The following GLIS1 variants were observed in gnomAD, a reference collection of about 807,000 sequenced individuals.
GLIS1 encodes the protein GLIS family zinc finger 1.
A neutral mutation model predicts 63.8 loss-of-function variants in GLIS1; 24 were observed. The ratio of observed to expected loss-of-function variants is 0.38; its 90% CI spans 0.27 to 0.53. GLIS1 has a LOEUF of 0.53. GLIS1 is among the 20% of genes least tolerant of loss of function. GLIS1 has a pLI of 0.85. For synonymous variants in GLIS1, 450 were observed against 482.5 expected, an observed-to-expected ratio of 0.93 and a Z score of 0.88; for missense variants, 1,036 against 1,074.1, an observed-to-expected ratio of 0.96 and a Z score of 0.50.
intron 2 of GLIS1, among the ~76,000 whole-genome samples, chr1:53,676,518 G>A (rs1274688374): frequency 6.6e-6 from 1 of 152,130 alleles, no homozygotes; most frequent in African/African-American, 2.4e-5. Flanking sequence ...CTCACTGTAT[G>A]GGGTACTCCC....
intron 6 of GLIS1, 129 bp downstream of exon 6, chr1:53,524,647 AC>A: frequency 1.5e-6 from 1 of 683,536 alleles, no homozygotes. Context: ...GAACGGACGA[AC>A]GGATGGACGA....
rs140736005 is a variant in GLIS1 at position 53,587,386 on chromosome 1, C to G, written c.1320+6722G>C. 1.5e-3 allele frequency among the ~76,000 whole-genome samples: 221 copies of G among 152,298 alleles called. 1 individual carries two copies. The highest frequency in any genetic ancestry group is 5.0e-3 in the African/African-American group (208 of 41,558). On this transcript the variant is annotated intron_variant, in intron 4 of 10. Transcript: ENST00000628545. ...CAAGCTGACTTTGCCCAAAACAGGT[C>G]TCCTTCCCAGATCCATCCAATCCTA...
chr1:53,587,095 C>T (rs1223200824), intron 4 of GLIS1, among the ~76,000 whole-genome samples: 2 of 152,108 alleles, frequency 1.3e-5, no homozygotes, highest in African/African-American at 4.8e-5. Flanking sequence ...GCATTCTAGA[C>T]AAAGGAATCA....
intron 2 of GLIS1, among the ~76,000 whole-genome samples, chr1:53,682,205 C>T (rs1223154808): frequency 6.6e-6 from 1 of 152,234 alleles, no homozygotes; most frequent in African/African-American, 2.4e-5. Context: ...CCACCGGACT[C>T]CGACTCCAAC....
chr1:53,515,378 G>A (rs1453472882), intron 7 of GLIS1, among the ~76,000 whole-genome samples: 9 of 151,982 alleles, frequency 5.9e-5, no homozygotes, highest in Admixed American at 2.6e-4. Context: ...CACTGTGAAG[G>A]CTTCCAAAGA....
intron 2 of GLIS1, among the ~76,000 whole-genome samples, chr1:53,685,452 G>C (rs538872164): frequency 1.3e-5 from 2 of 152,170 alleles, no homozygotes; most frequent in African/African-American, 2.4e-5. Flanking sequence ...TGACCTCCTC[G>C]GCAATGTTTA....
At chr1:53,632,250 TGA>T (rs1257694455) in intron 2 of GLIS1, among the ~76,000 whole-genome samples, 2 of 148,136 alleles carry the variant, frequency 1.4e-5, no homozygotes, top group Non-Finnish European at 3.0e-5. Flanking sequence ...GGTATGTGTA[TGA>T]GTGTGACTGA....
intron 2 of GLIS1, among the ~76,000 whole-genome samples, chr1:53,608,473 C>T (rs962947515): frequency 6.6e-6 from 1 of 152,146 alleles, no homozygotes; most frequent in Non-Finnish European, 1.5e-5. Flanking sequence ...CTAGTAGGAT[C>T]CCATATTTCC....
At chr1:53,703,821 G>A (rs1395243472) in intron 2 of GLIS1, among the ~76,000 whole-genome samples, 2 of 152,064 alleles carry the variant, frequency 1.3e-5, no homozygotes, top group African/African-American at 2.4e-5. Context: ...TGCCTGCCTG[G>A]GCCGGGAAGG....
At chr1:53,582,505 G>A (rs1170347302) in intron 4 of GLIS1, among the ~76,000 whole-genome samples, 1 of 152,138 alleles carries the variant, frequency 6.6e-6, no homozygotes, top group South Asian at 2.1e-4. Context: ...TCTCCGCCCT[G>A]GGTCTCAAGG....
chr1:53,681,907 TC>T (rs1279657311), intron 2 of GLIS1, among the ~76,000 whole-genome samples: 1 of 150,596 alleles, frequency 6.6e-6, no homozygotes, highest in African/African-American at 2.5e-5. Context: ...GTTCCTGCTC[TC>T]GGGGGCCTTC....
intron 4 of GLIS1, among the ~76,000 whole-genome samples, chr1:53,579,771 G>A (rs374784870): frequency 4.1e-4 from 62 of 152,318 alleles, no homozygotes; most frequent in African/African-American, 1.2e-3. Flanking sequence ...GTGTGGCAAC[G>A]GGCTCAGAGG....
At chr1:53,656,958 C>G (rs1246272102) in intron 2 of GLIS1, among the ~76,000 whole-genome samples, 28 of 152,190 alleles carry the variant, frequency 1.8e-4, no homozygotes, top group Admixed American at 1.8e-3. Context: ...ATCCTCATAA[C>G]TGCAGAGGTC....
intron 2 of GLIS1, among the ~76,000 whole-genome samples, chr1:53,637,385 G>A (rs1645737362): frequency 6.6e-6 from 1 of 152,198 alleles, no homozygotes; most frequent in Admixed American, 6.5e-5. Context: ...GTGGGTCCCT[G>A]AGGGTGACAC....
At chr1:53,566,242 G>A (rs1431306970) in intron 4 of GLIS1, among the ~76,000 whole-genome samples, 1 of 152,048 alleles carries the variant, frequency 6.6e-6, no homozygotes, top group Non-Finnish European at 1.5e-5. Context: ...CCTAGCTAAG[G>A]AAGGAAGTCA....
intron 2 of GLIS1, among the ~76,000 whole-genome samples, chr1:53,682,683 T>G (rs1209164079): frequency 6.6e-6 from 1 of 152,228 alleles, no homozygotes; most frequent in African/African-American, 2.4e-5. Flanking sequence ...CTTTCACCAT[T>G]GGTTAATCTA....
At chr1:53,546,975 A>C (rs1212280317) in intron 4 of GLIS1, among the ~76,000 whole-genome samples, 1 of 152,184 alleles carries the variant, frequency 6.6e-6, no homozygotes, top group Non-Finnish European at 1.5e-5. Context: ...CACAGAATGG[A>C]CCTGGTCCTG....
At chr1:53,570,147 C>T (rs921541105) in intron 4 of GLIS1, among the ~76,000 whole-genome samples, 3 of 151,838 alleles carry the variant, frequency 2.0e-5, no homozygotes, top group African/African-American at 7.3e-5. Context: ...GATCTTACTC[C>T]ATCACCCAGG....
intron 2 of GLIS1, among the ~76,000 whole-genome samples, chr1:53,717,547 T>C (rs1339195891): frequency 6.6e-6 from 1 of 152,154 alleles, no homozygotes; most frequent in Non-Finnish European, 1.5e-5. Context: ...ATTACTCACC[T>C]TATAAGGCAA....
Sources: allele counts gnomAD v4.1 joint callset (sites outside exome capture counted in the v4.1 genomes callset), GRCh38; gene constraint gnomAD v4.1.1; transcripts MANE v1.5; gene names NCBI Gene and HGNC (gene_info 2026-07-23, HGNC 2026-07-21).